CD53: variants seen among roughly 807,000 people sequenced by gnomAD.
The protein encoded by CD53 is leukocyte surface antigen CD53.
A neutral mutation model predicts 27.3 loss-of-function variants in CD53; 20 were observed. That is an observed-to-expected ratio of 0.73 (90% confidence interval 0.52 to 1.07). The LOEUF is 1.07. CD53 is among the 50% of genes least tolerant of loss of function. CD53 has a pLI of 0.00. For synonymous variants in CD53, 106 were observed against 105.3 expected, an observed-to-expected ratio of 1.01 and a Z score of -0.04; for missense variants, 216 against 264.0, an observed-to-expected ratio of 0.82 and a Z score of 1.26.
At chr1:110,878,936 C>CT (rs1656232977) in intron 1 of CD53, among the ~76,000 whole-genome samples, 2 of 151,994 alleles carry the variant, frequency 1.3e-5, no homozygotes, top group African/African-American at 4.8e-5. Flanking sequence ...ATTTATTTAT[C>CT]TTTTATTACT....
chr1:110,886,414 AT>A (rs1656605709), intron 1 of CD53, among the ~76,000 whole-genome samples: 1 of 152,044 alleles, frequency 6.6e-6, no homozygotes, highest in Admixed American at 6.6e-5. Context: ...TTTTCATCAA[AT>A]TTAGGATTTT....
upstream of CD53, among the ~76,000 whole-genome samples, chr1:110,871,485 G>A (rs1325139290): frequency 1.3e-5 from 2 of 152,084 alleles, no homozygotes; most frequent in African/African-American, 4.8e-5. Context: ...AGGCTTGAGT[G>A]TGGGGATGCC....
At chr1:110,891,855 G>A (rs1375991611) in intron 2 of CD53, among the ~76,000 whole-genome samples, 2 of 152,174 alleles carry the variant, frequency 1.3e-5, no homozygotes, top group Admixed American at 6.5e-5. Context: ...ACCCTTTCCA[G>A]GGAGGTTTCA....
At chr1:110,897,520 G>A (rs1020351998) in intron 6 of CD53, 2 of 263,676 alleles carry the variant, frequency 7.6e-6, no homozygotes, top group East Asian at 1.5e-4. Context: ...AAGACAGTAG[G>A]ACGTCGGTTG....
At position 110,895,046 on chromosome 1, in the gene CD53, C is replaced by T; in HGVS notation, c.414C>T (p.Ile138=). Residue 138 remains isoleucine, a synonymous_variant, in exon 5 of 8, where the codon ATC becomes ATT. Coordinates refer to ENST00000271324, the MANE Select transcript of CD53 (RefSeq NM_000560.4). ...DNSTKAAWDS[I]QSFLQCCGIN... Reference sequence around the variant, plus strand: ...GCACCAAGGCAGCGTGGGACTCCATCCAGTCATTTGTGAGTACAGGTGGAA... The same window carrying T: ...GCACCAAGGCAGCGTGGGACTCCATTCAGTCATTTGTGAGTACAGGTGGAA... The T allele has an allele frequency of 1.2e-6, 2 of 1,612,192 alleles. No individual in the cohort carries two copies. The highest frequency in any genetic ancestry group is 1.7e-6 in the Non-Finnish European group (2 of 1,178,302).
intron 6 of CD53, 99 bp from the exon 7 acceptor site, chr1:110,897,710 T>C (rs1404865491): frequency 8.8e-6 from 6 of 685,388 alleles, no homozygotes. Context: ...CTCTTTGTAT[T>C]ACATAAAGCA....
At chr1:110,896,073 C>A (rs1657050771) in intron 5 of CD53, among the ~76,000 whole-genome samples, 1 of 152,142 alleles carries the variant, frequency 6.6e-6, no homozygotes, top group Non-Finnish European at 1.5e-5. Flanking sequence ...CTCTATTTAT[C>A]TTTTAATCTA....
intron 1 of CD53, among the ~76,000 whole-genome samples, chr1:110,879,112 T>A (rs1656248248): frequency 6.6e-6 from 1 of 152,186 alleles, no homozygotes; most frequent in Non-Finnish European, 1.5e-5. Context: ...TTGCCCCGTG[T>A]ATGTTTTATT....
Position 110,895,009 on chromosome 1 carries a change from A to C in CD53, c.377A>C (p.His126Pro), listed in dbSNP as rs1197181215. 1.9e-6 allele frequency: 3 copies of C among 1,613,974 alleles called. No individual in the cohort carries two copies. Among genetic ancestry groups the C allele is most frequent in the African/African-American group, 2.7e-5 (2 of 75,010 alleles). Residue 126 changes from histidine to proline, a missense_variant, in exon 5 of 8, where the codon CAC becomes CCC. Physicochemically the swap from His to Pro is moderately conservative, Grantham distance 77. Coordinates refer to ENST00000271324, the MANE Select transcript of CD53 (RefSeq NM_000560.4). ...CTGACCGACAGCATCCACCGTTACC[A>C]CTCAGACAATAGCACCAAGGCAGCG... is the stretch of plus-strand genomic sequence containing the variant. ...KGLTDSIHRYHSDNSTKAAWD... is the reference protein window; with the variant it reads ...KGLTDSIHRYPSDNSTKAAWD...
At chr1:110,882,143 T>C (rs1322878813) in intron 1 of CD53, among the ~76,000 whole-genome samples, 2 of 152,176 alleles carry the variant, frequency 1.3e-5, no homozygotes, top group Admixed American at 6.5e-5. Context: ...TATCAACTTA[T>C]TGTGCTTTTG....
chr1:110,876,940 C>T (rs1032849302), intron 1 of CD53, among the ~76,000 whole-genome samples: 1 of 152,156 alleles, frequency 6.6e-6, no homozygotes, highest in African/African-American at 2.4e-5. Flanking sequence ...GCCCTTTCCC[C>T]TAAGAATGTT....
At chr1:110,884,887 T>C (rs569537646) in intron 1 of CD53, among the ~76,000 whole-genome samples, 1 of 152,312 alleles carries the variant, frequency 6.6e-6, no homozygotes, top group African/African-American at 2.4e-5. Flanking sequence ...TCTTGTTTTT[T>C]CAATCCATCT....
chr1:110,886,426 AT>A (rs1656606583), intron 1 of CD53, among the ~76,000 whole-genome samples: 1 of 152,064 alleles, frequency 6.6e-6, no homozygotes, highest in Admixed American at 6.6e-5. Context: ...TTAGGATTTT[AT>A]TTAGTCATTA....
chr1:110,893,194 G>T (rs12119975), intron 3 of CD53, among the ~76,000 whole-genome samples: 97,071 of 152,150 alleles, frequency 0.64, 33,105 homozygotes, highest in Non-Finnish European at 0.77. Context: ...ACAGAGCTTG[G>T]TGTAACAGTG....
chr1:110,889,085 C>A lies in CD53; in HGVS notation c.-17-2307C>A, dbSNP rs945767084. Reference sequence around the variant, plus strand: ...TCAAGAATTTGGAAATGAGGACTGGCAAATGTCACATTCTAAGAGTTAATT... The same window carrying A: ...TCAAGAATTTGGAAATGAGGACTGGAAAATGTCACATTCTAAGAGTTAATT... On this transcript the variant is annotated intron_variant, in intron 1 of 7. Coordinates refer to ENST00000271324, the MANE Select transcript of CD53 (RefSeq NM_000560.4). Among the ~76,000 whole-genome samples the A allele has an allele frequency of 4.7e-5, 7 of 150,384 alleles. No individual in the cohort carries two copies. The Admixed American group carries it at 4.7e-4, about 10-fold the overall frequency.
intron 1 of CD53, among the ~76,000 whole-genome samples, chr1:110,886,803 C>G (rs1252277437): frequency 6.7e-6 from 1 of 149,448 alleles, no homozygotes; most frequent in Non-Finnish European, 1.5e-5. Context: ...CAAGATCACG[C>G]CACTGCACTC....
intron 1 of CD53, among the ~76,000 whole-genome samples, chr1:110,884,748 A>G (rs1443474110): frequency 6.6e-6 from 1 of 152,098 alleles, no homozygotes; most frequent in Non-Finnish European, 1.5e-5. Context: ...TTAGTCTAAT[A>G]TAGACACTCC....
chr1:110,886,285 T>G (rs1656599408), intron 1 of CD53, among the ~76,000 whole-genome samples: 1 of 152,214 alleles, frequency 6.6e-6, no homozygotes, highest in Non-Finnish European at 1.5e-5. Context: ...TTTAAGATTT[T>G]CTTTTTATCA....
chr1:110,890,294 C>T (rs911402894), intron 1 of CD53, among the ~76,000 whole-genome samples: 3 of 152,094 alleles, frequency 2.0e-5, no homozygotes, highest in South Asian at 4.1e-4. Flanking sequence ...TGGCCAGGTG[C>T]GGTAGCTCAT....
Sources: gnomAD v4.1 joint callset for allele counts (sites outside exome capture counted in the v4.1 genomes callset) on GRCh38, gnomAD v4.1.1 for gene constraint, MANE v1.5 for transcripts, NCBI Gene and HGNC (gene_info 2026-07-23, HGNC 2026-07-21) for gene names.